The following OPN5 variants were observed in gnomAD, a reference collection of about 807,000 sequenced individuals.
The protein encoded by OPN5 is opsin 5, also known as opsin-5.
A neutral mutation model predicts 41.7 loss-of-function variants in OPN5; 18 were observed. The observed-to-expected ratio is 0.43, with a 90% confidence interval of 0.30 to 0.64. The LOEUF (loss-of-function observed/expected upper bound fraction) is 0.64, where lower values mean the gene tolerates loss of function less well. OPN5 is among the 30% of genes least tolerant of loss of function. The pLI is 0.13. For synonymous variants in OPN5, 178 were observed against 164.3 expected (o/e 1.08, Z -0.64); for missense variants, 318 against 434.5 (o/e 0.73, Z 2.38).
intron 4 of OPN5, among the ~76,000 whole-genome samples, 189 bp downstream of exon 4, chr6:47,795,752 A>G (rs1581735685): frequency 7.0e-6 from 1 of 142,766 alleles, no homozygotes; most frequent in Non-Finnish European, 1.5e-5. Flanking sequence ...CTGTACCCCC[A>G]CTTCTCTCTT....
intron 5 of OPN5, among the ~76,000 whole-genome samples, chr6:47,810,791 T>C (rs1385243027): frequency 6.6e-6 from 1 of 152,216 alleles, no homozygotes. Context: ...TTCTGGAATG[T>C]TATTCTTTCC....
At chr6:47,814,614 G>A (rs950879468) in intron 6 of OPN5, among the ~76,000 whole-genome samples, 1 of 152,068 alleles carries the variant, frequency 6.6e-6, no homozygotes, top group Non-Finnish European at 1.5e-5. Flanking sequence ...AATGGAGGAA[G>A]AAAAAACAAG....
intron 4 of OPN5, among the ~76,000 whole-genome samples, chr6:47,800,371 G>C (rs1474001609): frequency 6.6e-6 from 1 of 152,144 alleles, no homozygotes; most frequent in African/African-American, 2.4e-5. Context: ...GAAATCATAG[G>C]GGGTGGAAGC....
At chr6:47,811,957 A>G in intron 6 of OPN5, 1 of 341,600 alleles carries the variant, frequency 2.9e-6, no homozygotes, top group Non-Finnish European at 5.3e-6. Context: ...CGTCCCTGGA[A>G]CTTTCTTTTC....
intron 3 of OPN5, among the ~76,000 whole-genome samples, chr6:47,794,476 C>T (rs1561892977): frequency 6.6e-6 from 1 of 152,176 alleles, no homozygotes; most frequent in Non-Finnish European, 1.5e-5. Flanking sequence ...TACAGCTTTT[C>T]TTAGATGACT....
chr6:47,812,577 G>C (rs1326161985), intron 6 of OPN5, among the ~76,000 whole-genome samples: 1 of 152,134 alleles, frequency 6.6e-6, no homozygotes, highest in East Asian at 1.9e-4. Context: ...TTCAAAGACA[G>C]ATTCCTGCCT....
intron 1 of OPN5, among the ~76,000 whole-genome samples, chr6:47,784,299 A>C (rs1204098244): frequency 1.6e-5 from 1 of 62,810 alleles, no homozygotes; most frequent in East Asian, 8.2e-4. Context: ...ATGTTGCAAG[A>C]TTCCTTTTTT....
downstream of OPN5, chr6:47,825,078 A>G (rs949674703): frequency 6.6e-6 from 1 of 152,228 alleles, no homozygotes; most frequent in African/African-American, 2.4e-5. Context: ...TTGTAAACAC[A>G]TAATGAATGA....
Position 47,782,072 on chromosome 6 carries a change from G to A in OPN5, c.6G>A (p.Ala2=), listed in dbSNP as rs116127767. ...CCTCGTGGTTCGAGAACAGAATGGCGTTAAATCACACTGCCCTGCCTCAGG... is the reference window on the plus strand; with the variant it reads ...CCTCGTGGTTCGAGAACAGAATGGCATTAAATCACACTGCCCTGCCTCAGG... Residue 2 remains alanine, a synonymous_variant, in exon 1 of 7, where the codon GCG becomes GCA. Transcript: ENST00000371211. The A allele has an allele frequency of 5.3e-4, 854 of 1,613,228 alleles. 3 individuals carry two copies. Among genetic ancestry groups the A allele is most frequent in the South Asian group, 5.8e-4 (53 of 91,046 alleles).
Position 47,782,205 on chromosome 6 carries a change from C to A in OPN5, c.130+9C>A, listed in dbSNP as rs771117780. 2.3e-4 allele frequency: 369 copies of A among 1,612,088 alleles called. No homozygotes were observed. The highest frequency in any genetic ancestry group is 2.6e-4 in the Non-Finnish European group (307 of 1,179,300). On this transcript the variant is annotated intron_variant, in intron 1 of 6. Coordinates refer to ENST00000371211, the Ensembl canonical transcript of OPN5. Reference sequence around the variant, plus strand: ...TTACCTAACAATAATTGGTAAGCTTCCTTAATTCTTCTGTGCAAAGGCTGC... The same window carrying A: ...TTACCTAACAATAATTGGTAAGCTTACTTAATTCTTCTGTGCAAAGGCTGC...
intron 4 of OPN5, among the ~76,000 whole-genome samples, chr6:47,805,618 G>A (rs1045938149): frequency 5.3e-5 from 8 of 152,162 alleles, no homozygotes; most frequent in African/African-American, 1.9e-4. Flanking sequence ...CAAGTAGACC[G>A]AAGGCTGTGG....
intron 6 of OPN5, 48 bp from the exon 7 acceptor site, chr6:47,823,935 T>TA: frequency 6.8e-7 from 1 of 1,463,008 alleles, no homozygotes; most frequent in Non-Finnish European, 9.4e-7. Context: ...TTTCTCCACT[T>TA]ACTGGCTGTG....
chr6:47,818,548 A>G (rs988453797), intron 6 of OPN5, among the ~76,000 whole-genome samples: 4 of 152,204 alleles, frequency 2.6e-5, no homozygotes, highest in South Asian at 2.1e-4. Context: ...GCATTCATCC[A>G]TAGGATAATC....
At chr6:47,825,609 T>A (rs980752004), downstream of OPN5, 1 of 152,248 alleles carries the variant, frequency 6.6e-6, no homozygotes, top group Non-Finnish European at 1.5e-5. Context: ...GTTTGGTGAT[T>A]CAAGTCTCTG....
chr6:47,809,205 T>G (rs937611290), intron 5 of OPN5, among the ~76,000 whole-genome samples: 12 of 152,174 alleles, frequency 7.9e-5, no homozygotes, highest in Non-Finnish European at 1.3e-4. Flanking sequence ...GGCACCTGAA[T>G]TCATGGTCTG....
chr6:47,789,773 G>A (rs944696026), intron 2 of OPN5, among the ~76,000 whole-genome samples: 2 of 152,160 alleles, frequency 1.3e-5, no homozygotes, highest in African/African-American at 4.8e-5. Flanking sequence ...AACACACCTG[G>A]GAGAGCTGGG....
intron 6 of OPN5, among the ~76,000 whole-genome samples, chr6:47,820,683 T>C (rs536838895): frequency 6.6e-6 from 1 of 152,248 alleles, no homozygotes; most frequent in East Asian, 1.9e-4. Flanking sequence ...ATTTATTGAG[T>C]GTTTCCTATA....
At chr6:47,798,288 G>C (rs375265091) in intron 4 of OPN5, among the ~76,000 whole-genome samples, 8 of 151,666 alleles carry the variant, frequency 5.3e-5, no homozygotes, top group Non-Finnish European at 1.2e-4. Context: ...ATTGAAAAAT[G>C]AACCTAGTCA....
At position 47,805,928 on chromosome 6, in the gene OPN5, T is replaced by A. The variant is rs890883425; in HGVS notation, c.757-2226T>A. Among the ~76,000 whole-genome samples, 3 of 152,086 alleles carry A rather than the reference T, an allele frequency of 2.0e-5. No individual in the cohort carries two copies. The South Asian group carries it at 6.2e-4, about 32-fold the overall frequency. ...CTCAGAGATTATAGGAAAGTCCAATTTTCCTGGAACTCCTTTATAAAATCC... is the reference window on the plus strand; with the variant it reads ...CTCAGAGATTATAGGAAAGTCCAATATTCCTGGAACTCCTTTATAAAATCC... On this transcript the variant is annotated intron_variant, in intron 4 of 6. Coordinates refer to ENST00000371211, the Ensembl canonical transcript of OPN5.
Sources: gnomAD v4.1 joint callset for allele counts (sites outside exome capture counted in the v4.1 genomes callset) on GRCh38, gnomAD v4.1.1 for gene constraint, MANE v1.5 for transcripts, NCBI Gene and HGNC (gene_info 2026-07-23, HGNC 2026-07-21) for gene names.